Variants in MRAP2 observed in about 807,000 individuals in gnomAD.
MRAP2 encodes melanocortin 2 receptor accessory protein 2.
Under a neutral mutation model 17.4 loss-of-function variants are expected in MRAP2, and 20 were observed. The ratio of observed to expected loss-of-function variants is 1.15; its 90% CI spans 0.81 to 1.67. The LOEUF (loss-of-function observed/expected upper bound fraction) is 1.67. MRAP2 is among the 40% of genes most tolerant of loss of function. The pLI, the probability that MRAP2 is intolerant of heterozygous loss-of-function variation, is 0.00. For missense variants in MRAP2, 238 were observed against 240.0 expected (o/e 0.99, Z 0.05); for synonymous variants, 96 against 88.4 (o/e 1.09, Z -0.48).
At chr6:84,109,652 G>A in the MRAP2 span, among the ~76,000 whole-genome samples, 17 of 152,158 alleles carry the variant, frequency 1.1e-4, no homozygotes, top group South Asian at 3.5e-3. Context: ...TGCAGAACAT[G>A]CAGTTTTGTT....
At chr6:84,050,082 C>T (rs775512224) in intron 1 of MRAP2, among the ~76,000 whole-genome samples, 9 of 151,998 alleles carry the variant, frequency 5.9e-5, no homozygotes, top group East Asian at 1.9e-4. Context: ...TCAAAATAGT[C>T]GTGAGGAGGA....
chr6:84,048,797 G>A (rs2099489669), intron 1 of MRAP2, among the ~76,000 whole-genome samples: 1 of 152,170 alleles, frequency 6.6e-6, no homozygotes, highest in Non-Finnish European at 1.5e-5. Flanking sequence ...TAAAACATGT[G>A]CTGTGGTCAG....
chr6:84,100,674 C>A, the MRAP2 span, among the ~76,000 whole-genome samples: 3 of 152,254 alleles, frequency 2.0e-5, no homozygotes, highest in East Asian at 5.8e-4. Flanking sequence ...TGCTCTAGAT[C>A]CCTGGAGAAA....
chr6:84,073,666 G>T (rs2099496821), intron 3 of MRAP2, among the ~76,000 whole-genome samples: 1 of 152,114 alleles, frequency 6.6e-6, no homozygotes, highest in Non-Finnish European at 1.5e-5. Flanking sequence ...ACGGGGCTCT[G>T]GACTCAAACA....
chr6:84,123,458 C>CA, the MRAP2 span, among the ~76,000 whole-genome samples: 21 of 152,036 alleles, frequency 1.4e-4, no homozygotes, highest in Middle Eastern at 3.4e-3. Flanking sequence ...ACAAAGTCAA[C>CA]AAAAATATAC....
the MRAP2 span, among the ~76,000 whole-genome samples, chr6:84,099,831 C>A: frequency 6.6e-6 from 1 of 152,026 alleles, no homozygotes; most frequent in Non-Finnish European, 1.5e-5. Context: ...TGGATTAATA[C>A]AGATAGTGTA....
At chr6:84,034,371 C>A (rs2099485393) in intron 1 of MRAP2, among the ~76,000 whole-genome samples, 1 of 152,162 alleles carries the variant, frequency 6.6e-6, no homozygotes, top group South Asian at 2.1e-4. Flanking sequence ...TCAGATGATG[C>A]CTGGCTTGAC....
At chr6:84,043,873 A>G (rs1454837763) in intron 1 of MRAP2, among the ~76,000 whole-genome samples, 1 of 152,222 alleles carries the variant, frequency 6.6e-6, no homozygotes, top group African/African-American at 2.4e-5. Flanking sequence ...ACTGTGTTCA[A>G]AACTAGTGCT....
At chr6:84,122,352 C>CAAAAAAAAAAAAAAAAAAA in the MRAP2 span, among the ~76,000 whole-genome samples, 3 of 36,154 alleles carry the variant, frequency 8.3e-5, no homozygotes, top group Non-Finnish European at 1.0e-4. Flanking sequence ...ACAGCACATC[C>CAAAAAAAAAAAAAAAAAAA]AAAAAAAAAA....
Position 84,089,222 on chromosome 6 carries a change from T to G in MRAP2, c.359T>G (p.Ile120Ser). 1 of 1,614,174 alleles carries G rather than the reference T, an allele frequency of 6.2e-7. No individual in the cohort carries two copies. The change falls in exon 4 of 4, where the codon ATC (isoleucine) becomes AGC (serine). Residue 120 changes from isoleucine (I) to serine (S), a missense_variant. Transcript: ENST00000257776. ...EESRSLFHCY[I>S]NEVERLDRAK... Reference sequence around the variant, plus strand: ...TCCAGGTCTCTCTTTCACTGCTACATCAATGAGGTGGAACGCTTGGACAGA... The same window carrying G: ...TCCAGGTCTCTCTTTCACTGCTACAGCAATGAGGTGGAACGCTTGGACAGA...
chr6:84,079,303 C>T (rs2099498383), intron 3 of MRAP2, among the ~76,000 whole-genome samples: 1 of 152,064 alleles, frequency 6.6e-6, no homozygotes, highest in African/African-American at 2.4e-5. Context: ...CACAAAAGGC[C>T]ATATATCATA....
chr6:84,100,893 G>A, the MRAP2 span, among the ~76,000 whole-genome samples: 1 of 152,116 alleles, frequency 6.6e-6, no homozygotes, highest in African/African-American at 2.4e-5. Context: ...ACCTGCAGAA[G>A]ACATGTAGCT....
chr6:84,122,443 A>G, the MRAP2 span, among the ~76,000 whole-genome samples: 14 of 152,048 alleles, frequency 9.2e-5, no homozygotes, highest in Admixed American at 8.5e-4. Flanking sequence ...AGAAATCAAT[A>G]AATGTGATTC....
At chr6:84,094,696 T>C (rs1049844107), downstream of MRAP2, among the ~76,000 whole-genome samples, 3 of 151,958 alleles carry the variant, frequency 2.0e-5, no homozygotes, top group Admixed American at 2.0e-4. Flanking sequence ...GTTCATAAGA[T>C]AATTTTTTTT....
At chr6:84,088,395 G>A (rs137886212) in intron 3 of MRAP2, among the ~76,000 whole-genome samples, 81 of 152,104 alleles carry the variant, frequency 5.3e-4, no homozygotes, top group Non-Finnish European at 9.9e-4. Context: ...TTTGTTCCAC[G>A]TTAAAGGAAA....
At chr6:84,144,427 A>C in the MRAP2 span, among the ~76,000 whole-genome samples, 1 of 152,128 alleles carries the variant, frequency 6.6e-6, no homozygotes, top group Non-Finnish European at 1.5e-5. Flanking sequence ...TATCAAGTGC[A>C]TTATAATGAA....
chr6:84,126,411 C>A, the MRAP2 span: 1 of 1,603,774 alleles, frequency 6.2e-7, no homozygotes, highest in Non-Finnish European at 8.5e-7. Flanking sequence ...GTGCATGTCT[C>A]ATTTCCATCT....
the MRAP2 span, among the ~76,000 whole-genome samples, chr6:84,143,599 AT>A: frequency 6.6e-6 from 1 of 152,122 alleles, no homozygotes; most frequent in African/African-American, 2.4e-5. Flanking sequence ...GAACAAAAAA[AT>A]GAATGAATGT....
chr6:84,086,675 C>A (rs1462839361), intron 3 of MRAP2, among the ~76,000 whole-genome samples: 3 of 152,084 alleles, frequency 2.0e-5, no homozygotes, highest in Admixed American at 1.3e-4. Context: ...ACCAAGGGAT[C>A]ATCGGGAGGA....
Sources: allele counts gnomAD v4.1 joint callset (sites outside exome capture counted in the v4.1 genomes callset), GRCh38; gene constraint gnomAD v4.1.1; transcripts MANE v1.5; gene names NCBI Gene and HGNC (gene_info 2026-07-23, HGNC 2026-07-21).